The following SPIDR variants were observed in gnomAD, a reference collection of about 807,000 sequenced individuals.
SPIDR encodes scaffold protein involved in DNA repair, also known as DNA repair-scaffolding protein.
A neutral mutation model predicts 104.6 loss-of-function variants in SPIDR; 93 were observed. The observed-to-expected ratio is 0.89, with a 90% CI of 0.75 to 1.06. The LOEUF (loss-of-function observed/expected upper bound fraction) is 1.06, where lower values mean the gene tolerates loss of function less well. Among genes scored for constraint, SPIDR ranks in the 50% least tolerant of loss-of-function variants. The pLI is 0.00. For missense variants in SPIDR, 1,154 were observed against 1,111.2 expected (o/e 1.04, Z -0.55); for synonymous variants, 431 against 416.9 (o/e 1.03, Z -0.41).
chr8:47,369,581 C>T (rs1308364017), intron 5 of SPIDR, among the ~76,000 whole-genome samples: 1 of 152,182 alleles, frequency 6.6e-6, no homozygotes, highest in Non-Finnish European at 1.5e-5. Flanking sequence ...CATTGCAACA[C>T]TAGCCATTTC....
chr8:47,463,436 A>C (rs1347692342), intron 8 of SPIDR, among the ~76,000 whole-genome samples: 1 of 152,204 alleles, frequency 6.6e-6, no homozygotes, highest in East Asian at 1.9e-4. Context: ...AGTAAATTCT[A>C]CCAAACATTT....
chr8:47,650,613 A>T (rs1413329028), intron 10 of SPIDR, among the ~76,000 whole-genome samples: 1 of 152,188 alleles, frequency 6.6e-6, no homozygotes, highest in Admixed American at 6.5e-5. Flanking sequence ...CAGTCCTAAA[A>T]TTCATAGGCA....
rs2084768868 is a variant in SPIDR, at chr8:47,729,030, T to C, written c.2533T>C (p.Cys845Arg). Reference sequence around the variant, plus strand: ...CCTGGACTGCCGCTCAAGACCGCAGTGCAGAGTGAAGGTCAAGGTAGGAGC... The same window carrying C: ...CCTGGACTGCCGCTCAAGACCGCAGCGCAGAGTGAAGGTCAAGGTAGGAGC... ...VFLDCRSRPQ[C>R]RVKVKLLQRS... is the part of the protein sequence containing the mutation. Residue 845 changes from cysteine to arginine, a missense_variant, in exon 18 of 20, where the codon TGC becomes CGC. Cys to Arg is a radical substitution (Grantham distance 180). Transcript: ENST00000297423. 1 of 1,613,838 alleles carries C rather than the reference T, an allele frequency of 6.2e-7. No homozygotes were observed. The highest frequency in any genetic ancestry group is 1.3e-5 in the African/African-American group (1 of 74,910).
chr8:47,291,251 A>G (rs901893722), intron 4 of SPIDR, 114 bp downstream of exon 4: 1 of 610,590 alleles, frequency 1.6e-6, no homozygotes, highest in Non-Finnish European at 2.7e-6. Context: ...GTTTCTGTTA[A>G]ATATTGGATT....
intron 19 of SPIDR, among the ~76,000 whole-genome samples, chr8:47,735,048 A>G (rs1335267544): frequency 2.0e-5 from 3 of 151,974 alleles, no homozygotes; most frequent in Admixed American, 2.0e-4. Context: ...CAATTCAGTT[A>G]CCAGAATGGG....
intron 5 of SPIDR, among the ~76,000 whole-genome samples, chr8:47,355,820 T>A (rs1035619562): frequency 4.6e-5 from 7 of 152,236 alleles, no homozygotes; most frequent in African/African-American, 1.7e-4. Flanking sequence ...AGATTGAATG[T>A]GCATAGATTT....
intron 8 of SPIDR, among the ~76,000 whole-genome samples, chr8:47,527,084 T>G (rs1271416667): frequency 6.6e-6 from 1 of 152,166 alleles, no homozygotes. Flanking sequence ...TTTTATGTTT[T>G]ATGTTCTATG....
intron 11 of SPIDR, among the ~76,000 whole-genome samples, chr8:47,692,843 T>C (rs1406874821): frequency 6.6e-6 from 1 of 152,244 alleles, no homozygotes; most frequent in Admixed American, 6.5e-5. Flanking sequence ...TTGGGTTGTT[T>C]CTACTTTCTG....
intron 8 of SPIDR, among the ~76,000 whole-genome samples, chr8:47,490,580 A>C (rs906428219): frequency 1.4e-4 from 21 of 152,250 alleles, no homozygotes; most frequent in Non-Finnish European, 1.5e-5. Flanking sequence ...ACAGTAGCAA[A>C]GACTTGGAAC....
At chr8:47,646,742 G>A (rs938087093) in intron 10 of SPIDR, among the ~76,000 whole-genome samples, 1 of 152,186 alleles carries the variant, frequency 6.6e-6, no homozygotes, top group Admixed American at 6.5e-5. Context: ...GATTATCTGT[G>A]AGGGGTAGCT....
intron 8 of SPIDR, among the ~76,000 whole-genome samples, chr8:47,539,153 G>A (rs951052153): frequency 6.6e-6 from 1 of 152,112 alleles, no homozygotes; most frequent in African/African-American, 2.4e-5. Context: ...GAGCCACCAT[G>A]CCCGGCCTAT....
chr8:47,496,393 G>GT (rs1418219106), intron 8 of SPIDR, among the ~76,000 whole-genome samples: 1 of 152,112 alleles, frequency 6.6e-6, no homozygotes, highest in African/African-American at 2.4e-5. Context: ...GTTCTTGAGT[G>GT]TTTTCATCAT....
rs1554651219 is a variant in SPIDR at position 47,390,638 on chromosome 8, CAGA to C, written c.526-5735_526-5733del. On this transcript the variant is annotated intron_variant, in intron 5 of 19. Coordinates refer to ENST00000297423, the MANE Select transcript of SPIDR (RefSeq NM_001080394.4). ...AAACTTGCATCGTGTTAAAATTTGA[CAGA>C]AGGTGATGGGTACATCTACTTGTTA... Among the ~76,000 whole-genome samples the C allele has an allele frequency of 4.0e-5, 6 of 149,540 alleles. No individual in the cohort carries two copies. The South Asian group carries it at 1.3e-3, about 31-fold the overall frequency.
At chr8:47,684,832 A>G (rs2077538543) in intron 11 of SPIDR, among the ~76,000 whole-genome samples, 1 of 152,232 alleles carries the variant, frequency 6.6e-6, no homozygotes, top group Admixed American at 6.5e-5. Context: ...ATCCAGTTGG[A>G]CATTGCTAGG....
intron 8 of SPIDR, among the ~76,000 whole-genome samples, chr8:47,573,189 G>C (rs528279454): frequency 1.3e-5 from 2 of 152,188 alleles, no homozygotes; most frequent in Non-Finnish European, 2.9e-5. Context: ...CTTGGTGTTT[G>C]TCCTGATTGT....
chr8:47,577,433 G>A (rs1161591872), intron 8 of SPIDR, among the ~76,000 whole-genome samples: 1 of 152,238 alleles, frequency 6.6e-6, no homozygotes, highest in African/African-American at 2.4e-5. Context: ...AACTTGAGAT[G>A]TGTGCTCGGT....
chr8:47,375,788 G>A (rs1389878495), intron 5 of SPIDR, among the ~76,000 whole-genome samples: 1 of 152,136 alleles, frequency 6.6e-6, no homozygotes, highest in African/African-American at 2.4e-5. Context: ...TAATACAGTT[G>A]TCATTAAATC....
At chr8:47,698,199 G>C (rs2079627201) in intron 11 of SPIDR, among the ~76,000 whole-genome samples, 1 of 151,878 alleles carries the variant, frequency 6.6e-6, no homozygotes, top group African/African-American at 2.4e-5. Flanking sequence ...ACAGACTAAT[G>C]GTGGCCACTC....
chr8:47,308,360 G>A (rs587666197), intron 5 of SPIDR, among the ~76,000 whole-genome samples: 7 of 150,060 alleles, frequency 4.7e-5, no homozygotes, highest in Non-Finnish European at 8.9e-5. Context: ...ACCATGCCCG[G>A]CCTGCTGTTT....
Sources: gnomAD v4.1 joint callset for allele counts (sites outside exome capture counted in the v4.1 genomes callset) on GRCh38, gnomAD v4.1.1 for gene constraint, MANE v1.5 for transcripts, NCBI Gene and HGNC (gene_info 2026-07-23, HGNC 2026-07-21) for gene names.